The following CARMIL1 variants were observed in gnomAD, a reference collection of about 807,000 sequenced individuals.
CARMIL1 encodes the protein capping protein regulator and myosin 1 linker 1, also known as F-actin-uncapping protein LRRC16A.
A neutral mutation model predicts 177.1 loss-of-function variants in CARMIL1; 90 were observed. The ratio of observed to expected loss-of-function variants is 0.51; its 90% CI spans 0.43 to 0.61. The LOEUF is 0.61. Among genes scored for constraint, CARMIL1 ranks in the 20% least tolerant of loss-of-function variants. The pLI, the probability that CARMIL1 is intolerant of heterozygous loss-of-function variation, is 0.00. For missense variants in CARMIL1, 1,380 were observed against 1,667.0 expected (o/e 0.83, Z 3.00); for synonymous variants, 577 against 606.2 (o/e 0.95, Z 0.71).
At chr6:25,369,658 T>C (rs1180173207) in intron 2 of CARMIL1, among the ~76,000 whole-genome samples, 1 of 152,170 alleles carries the variant, frequency 6.6e-6, no homozygotes, top group Non-Finnish European at 1.5e-5. Flanking sequence ...CACAGTAGCC[T>C]CTTTCACCAG....
rs36076582 is a variant in CARMIL1, at chr6:25,392,054, ATGTGTGTGTGTGTGTGTGTGTG to A, written c.139-28036_139-28015del. ...TGTGTATGCATGTGTGTGTATATGC[ATGTGTGTGTGTGTGTGTGTGTG>A]TGTGTGTGTGTGTGTGTGTGTGTAT... On this transcript the variant is annotated intron_variant, in intron 2 of 36. Coordinates refer to ENST00000329474, the MANE Select transcript of CARMIL1 (RefSeq NM_017640.6). Among the ~76,000 whole-genome samples, 1,937 of 139,320 alleles carry A rather than the reference ATGTGTGTGTGTGTGTGTGTGTG, an allele frequency of 0.014. 69 individuals are homozygous for A. The East Asian group carries it at 0.15, about 11-fold the overall frequency. 91.4% of individuals were successfully genotyped at this position (139,320 alleles called of 152,430 possible).
At chr6:25,486,827 C>T (rs1802706811) in intron 12 of CARMIL1, among the ~76,000 whole-genome samples, 1 of 152,032 alleles carries the variant, frequency 6.6e-6, no homozygotes. Context: ...GAAGACCCTG[C>T]CTGGTACACA....
intron 2 of CARMIL1, among the ~76,000 whole-genome samples, chr6:25,348,289 C>T (rs1030495158): frequency 8.6e-5 from 13 of 151,926 alleles, no homozygotes; most frequent in Non-Finnish European, 1.6e-4. Flanking sequence ...TGCGCCACCA[C>T]AGCCGGCTAA....
At chr6:25,613,938 A>C (rs780018479) in intron 36 of CARMIL1, among the ~76,000 whole-genome samples, 1 of 152,168 alleles carries the variant, frequency 6.6e-6, no homozygotes, top group Non-Finnish European at 1.5e-5. Flanking sequence ...ATACAAGTTA[A>C]TGGGAGTGAC....
chr6:25,484,454 G>A (rs985202046), intron 12 of CARMIL1, among the ~76,000 whole-genome samples: 4 of 152,184 alleles, frequency 2.6e-5, no homozygotes, highest in Non-Finnish European at 5.9e-5. Context: ...TTAAGATTAA[G>A]GCATGAAAAT....
chr6:25,549,716 A>G (rs2151161760), intron 26 of CARMIL1, among the ~76,000 whole-genome samples: 1 of 152,296 alleles, frequency 6.6e-6, no homozygotes, highest in South Asian at 2.1e-4. Context: ...GAGCAGATAG[A>G]CCACTGTACC....
chr6:25,494,521 T>C lies in CARMIL1; in HGVS notation c.1221-590T>C, dbSNP rs930720222. On this transcript the variant is annotated intron_variant, in intron 15 of 36. Transcript: ENST00000329474. ...ATAGCAAGGGGATGTATTCAGAGGT[T>C]ATAGCCATTTTATTTTGTAGTTTTG... Among the ~76,000 whole-genome samples, 6 of 152,344 alleles carry C rather than the reference T, an allele frequency of 3.9e-5. No homozygotes were observed. The East Asian group carries it at 1.2e-3, about 29-fold the overall frequency.
At chr6:25,309,919 G>A (rs6914930) in intron 2 of CARMIL1, among the ~76,000 whole-genome samples, 31,503 of 151,556 alleles carry the variant, frequency 0.21, 4,216 homozygotes, top group East Asian at 0.4. Flanking sequence ...ACAGGTGCAC[G>A]CCACCGCACC....
chr6:25,521,347 G>A (rs927050939), intron 23 of CARMIL1, among the ~76,000 whole-genome samples: 2 of 150,902 alleles, frequency 1.3e-5, no homozygotes, highest in African/African-American at 4.9e-5. Context: ...ATTCACTTTG[G>A]GGTGAGGTTT....
intron 23 of CARMIL1, 132 bp from the exon 24 acceptor site, chr6:25,528,663 G>T: frequency 1.4e-6 from 1 of 691,266 alleles, no homozygotes. Context: ...GTGTTTTGTG[G>T]GGTCAAAGCA....
At chr6:25,382,921 C>T (rs1320594688) in intron 2 of CARMIL1, among the ~76,000 whole-genome samples, 1 of 152,178 alleles carries the variant, frequency 6.6e-6, no homozygotes, top group African/African-American at 2.4e-5. Flanking sequence ...AGGCATGAGC[C>T]ACAATGCCTG....
chr6:25,375,782 T>G (rs763751905), intron 2 of CARMIL1, among the ~76,000 whole-genome samples: 3 of 152,226 alleles, frequency 2.0e-5, no homozygotes, highest in South Asian at 2.1e-4. Context: ...GTTAAAACTT[T>G]CTACTATATT....
At chr6:25,373,501 T>A (rs1790642011) in intron 2 of CARMIL1, among the ~76,000 whole-genome samples, 1 of 152,014 alleles carries the variant, frequency 6.6e-6, no homozygotes, top group Non-Finnish European at 1.5e-5. Context: ...TTTTCTAGTT[T>A]GTTTGCATGG....
At chr6:25,315,980 T>A (rs982859057) in intron 2 of CARMIL1, among the ~76,000 whole-genome samples, 1 of 152,210 alleles carries the variant, frequency 6.6e-6, no homozygotes, top group Non-Finnish European at 1.5e-5. Context: ...TGAGAAACAC[T>A]GTAAGCCTAC....
rs373424069 is a variant in CARMIL1, at chr6:25,619,548, G to C, written c.4081G>C (p.Gly1361Arg). The C allele has an allele frequency of 6.2e-7, 1 of 1,613,786 alleles. No individual in the cohort carries two copies. Among genetic ancestry groups the C allele is most frequent in the Non-Finnish European group, 8.5e-7 (1 of 1,179,840 alleles). ...GHQGSKSNDSGEEAEKEFIFV is the reference protein window; with the variant it reads ...GHQGSKSNDSREEAEKEFIFV ...TCAAGGCAGCAAATCTAATGACTCC[G>C]GGGAAGAAGCAGAAAAAGAGTTTAT... Residue 1361 changes from glycine (G) to arginine (R), a missense_variant, in exon 37 of 37, where the codon GGG becomes CGG. Physicochemically the swap from Gly to Arg is moderately radical, Grantham distance 125. Coordinates refer to ENST00000329474, the MANE Select transcript of CARMIL1 (RefSeq NM_017640.6).
At chr6:25,571,509 G>T (rs1029323928) in intron 29 of CARMIL1, among the ~76,000 whole-genome samples, 1 of 152,182 alleles carries the variant, frequency 6.6e-6, no homozygotes, top group African/African-American at 2.4e-5. Context: ...ATTACCAATA[G>T]TTGCTTAAAA....
chr6:25,474,869 G>A (rs1462937118), intron 11 of CARMIL1, among the ~76,000 whole-genome samples: 1 of 152,222 alleles, frequency 6.6e-6, no homozygotes, highest in Admixed American at 6.5e-5. Flanking sequence ...GAGGGAGGTA[G>A]TTGTTTGAGG....
At chr6:25,465,661 G>C in intron 8 of CARMIL1, 1 of 513,354 alleles carries the variant, frequency 1.9e-6, no homozygotes, top group Non-Finnish European at 3.4e-6. Flanking sequence ...TTGGAAGTAG[G>C]AAACAGAGTC....
At chr6:25,393,007 C>T (rs74589007) in intron 2 of CARMIL1, among the ~76,000 whole-genome samples, 7,947 of 151,626 alleles carry the variant, frequency 0.052, 277 homozygotes, top group Non-Finnish European at 0.088. Context: ...GCACTAGGGT[C>T]ACAGTGTTGA....
Sources: gnomAD v4.1 joint callset for allele counts (sites outside exome capture counted in the v4.1 genomes callset) on GRCh38, gnomAD v4.1.1 for gene constraint, MANE v1.5 for transcripts, NCBI Gene and HGNC (gene_info 2026-07-23, HGNC 2026-07-21) for gene names.